The following NF1 variants were observed in gnomAD, a reference collection of about 807,000 sequenced individuals.
The protein encoded by NF1 is neurofibromin.
NF1 carries 122 observed loss-of-function variants against 325.7 expected under a neutral mutation model. The ratio of observed to expected loss-of-function variants is 0.37; its 90% CI spans 0.32 to 0.44. The LOEUF (loss-of-function observed/expected upper bound fraction) is 0.44, where lower values mean the gene tolerates loss of function less well. Ranked by LOEUF, NF1 falls within the 20% of genes least tolerant of loss-of-function variation. The pLI, the probability that NF1 is intolerant of heterozygous loss-of-function variation, is 1.00. For missense variants in NF1, 2,140 were observed against 3,415.4 expected (o/e 0.63, Z 9.31); for synonymous variants, 1,091 against 1,186.0 (o/e 0.92, Z 1.65).
intron 8 of NF1, among the ~76,000 whole-genome samples, chr17:31,196,712 G>T (rs1264848486): frequency 1.3e-5 from 2 of 151,938 alleles, no homozygotes; most frequent in Non-Finnish European, 2.9e-5. Context: ...GTTAATTTTT[G>T]TATATGATGT....
At position 31,377,448 on chromosome 17, in the gene NF1, T is replaced by C. The variant is rs2070747974; in HGVS notation, c.*3293T>C. ...ATATGATAACTTACTGTCCTTTCCA[T>C]CCGGGCCTAAACTTTGGCAGTTCCT... On this transcript the variant is annotated 3_prime_UTR_variant, in exon 58 of 58. Transcript: ENST00000358273. 1 of 233,238 alleles carries C rather than the reference T, an allele frequency of 4.3e-6. No homozygotes were observed. Among genetic ancestry groups the C allele is most frequent in the East Asian group, 6.1e-5 (1 of 16,500 alleles). 14.4% of individuals were successfully genotyped at this position (233,238 alleles called of 1,614,324 possible).
chr17:31,176,114 G>A (rs2066018615), intron 5 of NF1, among the ~76,000 whole-genome samples: 1 of 152,144 alleles, frequency 6.6e-6, no homozygotes, highest in South Asian at 2.1e-4. Flanking sequence ...TTCCACAATG[G>A]TTGAACTAAT....
chr17:31,217,632 T>C (rs761915416), intron 13 of NF1, among the ~76,000 whole-genome samples: 8 of 151,940 alleles, frequency 5.3e-5, no homozygotes, highest in Non-Finnish European at 1.2e-4. Context: ...AGTGCAAATA[T>C]ATGCTTCCAA....
intron 36 of NF1, chr17:31,318,355 TC>T (rs780716720): frequency 2.5e-6 from 4 of 1,611,956 alleles, no homozygotes; most frequent in Non-Finnish European, 2.5e-6. Flanking sequence ...ATCTTTTCTT[TC>T]CCTTGTAGCT....
chr17:31,290,293 C>G (rs901008526), intron 36 of NF1, among the ~76,000 whole-genome samples: 2 of 152,054 alleles, frequency 1.3e-5, no homozygotes, highest in African/African-American at 4.8e-5. Context: ...GGTTTTATGA[C>G]TTCCTTGTTC....
chr17:31,327,188 C>G (rs2069366898), intron 37 of NF1, among the ~76,000 whole-genome samples: 1 of 152,160 alleles, frequency 6.6e-6, no homozygotes, highest in Non-Finnish European at 1.5e-5. Context: ...TCACGAACTC[C>G]TGACCTCAAG....
chr17:31,307,964 T>C, intron 36 of NF1: 1 of 1,261,956 alleles, frequency 7.9e-7, no homozygotes, highest in Non-Finnish European at 1.0e-6. Flanking sequence ...ATGGCCCTGT[T>C]TTAGTAGAAG....
At chr17:31,294,910 T>C in intron 36 of NF1, 1 of 1,498,668 alleles carries the variant, frequency 6.7e-7, no homozygotes, top group Non-Finnish European at 9.3e-7. Context: ...CTTTCTTGAA[T>C]ACTTAAATAT....
chr17:31,340,627 C>G lies in NF1; in HGVS notation c.7044C>G (p.Leu2348=), dbSNP rs1350755921. 2 of 1,614,042 alleles carry G rather than the reference C, an allele frequency of 1.2e-6. No homozygotes were observed. The highest frequency in any genetic ancestry group is 1.7e-6 in the Non-Finnish European group (2 of 1,179,992). The change falls in exon 47 of 58, where the codon CTC becomes CTG. Residue 2348 remains leucine (L), a synonymous_variant. Transcript: ENST00000358273. The part of the protein sequence containing the change: ...LEQNLHTLDS[L]RIFNDKSPEE... ...AAAACCTGCATACTTTAGATAGTCT[C>G]CGTATATTCAATGACAAGGTAAGCA...
At chr17:31,364,501 G>A (rs988381454) in intron 57 of NF1, among the ~76,000 whole-genome samples, 1 of 152,116 alleles carries the variant, frequency 6.6e-6, no homozygotes, top group Admixed American at 6.5e-5. Context: ...AGAGATTCAT[G>A]AACCTCTCCT....
chr17:31,198,682 T>C (rs1328721909), intron 8 of NF1, among the ~76,000 whole-genome samples: 1 of 152,116 alleles, frequency 6.6e-6, no homozygotes, highest in Non-Finnish European at 1.5e-5. Context: ...TGACAAGATC[T>C]TGGCTCACTG....
intron 4 of NF1, among the ~76,000 whole-genome samples, chr17:31,168,624 T>C (rs568713723): frequency 1.1e-4 from 17 of 152,304 alleles, no homozygotes; most frequent in African/African-American, 3.8e-4. Flanking sequence ...TTTCATTGGA[T>C]TCACGTTCAT....
At chr17:31,249,226 C>T in intron 30 of NF1, 107 bp downstream of exon 30, 2 of 1,283,016 alleles carry the variant, frequency 1.6e-6, no homozygotes, top group South Asian at 2.4e-5. Context: ...AACTATAATA[C>T]TGAGTCAGTT....
intron 36 of NF1, chr17:31,314,546 C>T (rs1383456154): frequency 6.6e-6 from 1 of 152,226 alleles, no homozygotes; most frequent in African/African-American, 2.4e-5. Context: ...TCACCAACTG[C>T]AGGTAACCAA....
intron 13 of NF1, among the ~76,000 whole-genome samples, chr17:31,215,532 G>C (rs2066805787): frequency 6.6e-6 from 1 of 152,148 alleles, no homozygotes; most frequent in Non-Finnish European, 1.5e-5. Flanking sequence ...CAGAGATACT[G>C]TTAGGAAAAT....
At chr17:31,295,774 T>C (rs2068451126) in intron 36 of NF1, 3 of 1,614,210 alleles carry the variant, frequency 1.9e-6, no homozygotes, top group Non-Finnish European at 8.5e-7. Flanking sequence ...GGTTTATTAA[T>C]GTACCTGGAA....
chr17:31,337,869 A>G lies in NF1; in HGVS notation c.6693A>G (p.Glu2231=), dbSNP rs777588905. ...GCAAGTGGCTGGACCAGTGGACAGA[A>G]CTAGCTCAAAGGTATGTCCTAAATT... ...PTCKWLDQWT[E]LAQRFAFQYN... The change falls in exon 44 of 58, where the codon GAA becomes GAG. Residue 2231 remains glutamate (E), a synonymous_variant. Coordinates refer to ENST00000358273, the MANE Select transcript of NF1 (RefSeq NM_001042492.3). 1.9e-6 allele frequency: 3 copies of G among 1,613,906 alleles called. No homozygotes were observed. The highest frequency in any genetic ancestry group is 1.1e-5 in the South Asian group (1 of 91,082).
rs2067379662 is a variant in NF1 at position 31,245,806 on chromosome 17, A to G, written c.3975-3178A>G. 2.0e-5 allele frequency among the ~76,000 whole-genome samples: 3 copies of G among 152,170 alleles called. No individual in the cohort carries two copies. In the South Asian group the frequency reaches 6.2e-4, roughly 32 times the overall value. ...TTTATGGTGACCTCATTATATAGGC[A>G]TGATTGATTAAATCATGGGTCATTG... On this transcript the variant is annotated intron_variant, in intron 29 of 57. Transcript: ENST00000358273.
rs746905206 is a variant in NF1 at position 31,259,169 on chromosome 17, C to A, written c.4430+40C>A. 23 of 1,398,720 alleles carry A rather than the reference C, an allele frequency of 1.6e-5. No individual in the cohort carries two copies. The African/African-American group carries it at 2.8e-4, about 17-fold the overall frequency. 86.6% of individuals were successfully genotyped at this position (1,398,720 alleles called of 1,614,324 possible). On this transcript the variant is annotated intron_variant, in intron 33 of 57. Coordinates refer to ENST00000358273, the MANE Select transcript of NF1 (RefSeq NM_001042492.3). ...ACTTACTCAGTTGCTCTGTTTGAAT[C>A]AAATATTTTCGGTTTCACATAAATC...
Sources: allele counts gnomAD v4.1 joint callset (sites outside exome capture counted in the v4.1 genomes callset), GRCh38; gene constraint gnomAD v4.1.1; transcripts MANE v1.5; gene names NCBI Gene and HGNC (gene_info 2026-07-23, HGNC 2026-07-21).